Variants in IFFO2 observed in about 807,000 individuals in gnomAD.
The protein encoded by IFFO2 is intermediate filament family orphan 2.
IFFO2 carries 19 observed loss-of-function variants against 53.5 expected under a neutral mutation model. That is an observed-to-expected ratio of 0.36 (90% CI 0.25 to 0.52). The LOEUF is 0.52. Ranked by LOEUF, IFFO2 falls within the 20% of genes least tolerant of loss-of-function variation. The probability of loss-of-function intolerance (pLI) is 0.94; values close to 1 mark genes in which losing one functional copy is unlikely to be tolerated. For synonymous variants in IFFO2, 303 were observed against 313.6 expected (o/e 0.97, Z 0.36); for missense variants, 570 against 727.4 (o/e 0.78, Z 2.49).
At chr1:18,913,923 TG>T (rs1371228674) in intron 5 of IFFO2, among the ~76,000 whole-genome samples, 13 of 149,994 alleles carry the variant, frequency 8.7e-5, no homozygotes, top group African/African-American at 2.0e-4. Context: ...CTCCGCCCCC[TG>T]GGGTTCACGC....
chr1:18,950,489 G>C (rs535433512), intron 1 of IFFO2, among the ~76,000 whole-genome samples: 146 of 152,292 alleles, frequency 9.6e-4, no homozygotes, highest in African/African-American at 3.3e-3. Flanking sequence ...GGACGAAGCG[G>C]GGAGCTCCAC....
intron 1 of IFFO2, among the ~76,000 whole-genome samples, chr1:18,930,459 C>T (rs1936360638): frequency 6.6e-6 from 1 of 152,174 alleles, no homozygotes; most frequent in Non-Finnish European, 1.5e-5. Flanking sequence ...TACAAGGGGA[C>T]AGGGTGGCAG....
intron 1 of IFFO2, among the ~76,000 whole-genome samples, chr1:18,954,824 G>A (rs1936703565): frequency 6.6e-6 from 1 of 152,250 alleles, no homozygotes. Context: ...GTTCTAGCCA[G>A]AGATTGTGGT....
rs2100648182 is a variant in IFFO2, at chr1:18,916,829, C to T, written c.1103+74G>A. Reference sequence around the variant, plus strand: ...CCAGTGCTGCAGGCTACTCTCAGCCCAAGCCTCCCATTCACCGCCCCTGTG... The same window carrying T: ...CCAGTGCTGCAGGCTACTCTCAGCCTAAGCCTCCCATTCACCGCCCCTGTG... On this transcript the variant is annotated intron_variant, in intron 5 of 8. Coordinates refer to ENST00000455833, the MANE Select transcript of IFFO2 (RefSeq NM_001136265.2). This position sits in a 1 kb window ranked among gnomAD's most constrained non-coding sequence, Gnocchi z 4.3. The T allele has an allele frequency of 2.7e-6, 4 of 1,508,628 alleles. No homozygotes were observed. The highest frequency in any genetic ancestry group is 3.6e-6 in the Non-Finnish European group (4 of 1,114,324). 93.5% of individuals were successfully genotyped at this position (1,508,628 alleles called of 1,614,324 possible). A position where few individuals can be genotyped will look rare whatever the true frequency, so the allele number is the denominator to read the frequency against.
At chr1:18,927,128 A>T (rs1002275348) in intron 1 of IFFO2, among the ~76,000 whole-genome samples, 8 of 152,188 alleles carry the variant, frequency 5.3e-5, no homozygotes, top group African/African-American at 1.9e-4. Flanking sequence ...TGAGAACTAC[A>T]GGAAGGGGAT....
At chr1:18,955,203 C>T (rs1936708274) in intron 1 of IFFO2, among the ~76,000 whole-genome samples, 1 of 152,130 alleles carries the variant, frequency 6.6e-6, no homozygotes, top group Non-Finnish European at 1.5e-5. Flanking sequence ...GGTAAAAATA[C>T]TTATGCTAGG....
chr1:18,919,588 C>T lies in IFFO2; in HGVS notation c.822+90G>A, dbSNP rs1031196574. The T allele has an allele frequency of 1.2e-6, 1 of 854,900 alleles. No individual in the cohort carries two copies. The highest frequency in any genetic ancestry group is 1.9e-6 in the Non-Finnish European group (1 of 517,970). The allele number at this position is 854,900 out of a possible 1,614,324, so 53.0% of individuals were successfully genotyped here. On this transcript the variant is annotated intron_variant, in intron 3 of 8. Transcript: ENST00000455833. This position sits in a 1 kb window ranked among gnomAD's most constrained non-coding sequence, Gnocchi z 4.9. ...AGCCAGCCAGGATTCTAACTAGAAG[C>T]CGAGCCCCGGAGCCTCGGAGGGAAT...
In IFFO2 at chr1:18,947,434, T is replaced by C. The variant is rs1363313059; in HGVS notation, c.665+8234A>G. 6.6e-6 allele frequency among the ~76,000 whole-genome samples: 1 copy of C among 152,180 alleles called. No homozygotes were observed. Among genetic ancestry groups the C allele is most frequent in the Non-Finnish European group, 1.5e-5 (1 of 68,012 alleles). On this transcript the variant is annotated intron_variant, in intron 1 of 8. Coordinates refer to ENST00000455833, the MANE Select transcript of IFFO2 (RefSeq NM_001136265.2). The surrounding 1 kb of genome is among the most constrained non-coding windows in gnomAD (Gnocchi z 5.0). Reference sequence around the variant, plus strand: ...TTTGCTAGGCAACATTTCACAGAAATGAAAACTGAGGCTCACAGCAGGAAA... The same window carrying C: ...TTTGCTAGGCAACATTTCACAGAAACGAAAACTGAGGCTCACAGCAGGAAA...
In IFFO2 at chr1:18,918,280, C is replaced by A; in HGVS notation, c.963+82G>T. 1 of 1,403,972 alleles carries A rather than the reference C, an allele frequency of 7.1e-7. No homozygotes were observed. The highest frequency in any genetic ancestry group is 9.7e-7 in the Non-Finnish European group (1 of 1,025,952). The allele number at this position is 1,403,972 out of a possible 1,614,324, so 87.0% of individuals were successfully genotyped here. On this transcript the variant is annotated intron_variant, in intron 4 of 8. Transcript: ENST00000455833. This position sits in a 1 kb window ranked among gnomAD's most constrained non-coding sequence, Gnocchi z 5.2. ...GGAGTGAGTGGGATGTGGAGGCAAA[C>A]GGGTTGGCCGGGCAGGGGTGGAGGC...
In IFFO2 at chr1:18,947,303, TC is replaced by T. The variant is rs1361352498; in HGVS notation, c.665+8364del. On this transcript the variant is annotated intron_variant, in intron 1 of 8. Transcript: ENST00000455833. This position sits in a 1 kb window ranked among gnomAD's most constrained non-coding sequence, Gnocchi z 5.0. ...GCCCGAGGCCCTCTGCTGCTGGTGA[TC>T]CGTGGATGAGAACCTCGGGCTGGCT... is the stretch of plus-strand genomic sequence containing the variant. Among the ~76,000 whole-genome samples, 2 of 152,216 alleles carry T rather than the reference TC, an allele frequency of 1.3e-5. No homozygotes were observed. Among genetic ancestry groups the T allele is most frequent in the Non-Finnish European group, 2.9e-5 (2 of 68,028 alleles).
In IFFO2 at chr1:18,918,618, G is replaced by A. The variant is rs532644358; in HGVS notation, c.823-116C>T. On this transcript the variant is annotated intron_variant, in intron 3 of 8. Transcript: ENST00000455833. The surrounding 1 kb of genome is among the most constrained non-coding windows in gnomAD (Gnocchi z 5.2). ...CAGGGGTGGTGCGGGGAGGCCTCCA[G>A]AGTCCGAGGGTGCCTTGGGCTTTTC... 7.6e-4 allele frequency: 809 copies of A among 1,060,676 alleles called. 4 individuals are homozygous for A. The African/African-American group carries it at 0.011, about 15-fold the overall frequency. 65.7% of individuals were successfully genotyped at this position (1,060,676 alleles called of 1,614,324 possible). A position where few individuals can be genotyped will look rare whatever the true frequency, so the allele number is the denominator to read the frequency against.
chr1:18,926,088 GGATGGATGGATGGATTGGTTGGATGGATA>G (rs1241077888), intron 1 of IFFO2, among the ~76,000 whole-genome samples: 3 of 110,844 alleles, frequency 2.7e-5, no homozygotes, highest in Non-Finnish European at 2.0e-5. Context: ...ATGGATGGAT[GGATGGATGGATGGATTGGTTGGATGGATA>G]GATGGATGGA....
chr1:18,929,721 C>T (rs1181184495), intron 1 of IFFO2, among the ~76,000 whole-genome samples: 1 of 152,200 alleles, frequency 6.6e-6, no homozygotes, highest in Non-Finnish European at 1.5e-5. Flanking sequence ...GGCCCCCCAG[C>T]CACACACCCC....
At chr1:18,921,780 G>A (rs1038207148) in intron 1 of IFFO2, among the ~76,000 whole-genome samples, 6 of 152,102 alleles carry the variant, frequency 3.9e-5, no homozygotes, top group African/African-American at 7.2e-5. Context: ...TTTACTATGT[G>A]CCAAGCCCTG....
intron 1 of IFFO2, among the ~76,000 whole-genome samples, chr1:18,923,076 G>A (rs748879149): frequency 5.3e-5 from 8 of 152,222 alleles, no homozygotes; most frequent in Admixed American, 2.0e-4. Context: ...TTCCAAAGCC[G>A]CTGAGCAGGG....
rs904994659 is a variant in IFFO2, at chr1:18,906,685, A to G, written c.*1876T>C. ...GAACAAGGGTGAGTGAGGAGAGAGAAGGGCCGTCTCTCTTCCAAAACCATT... is the reference window on the plus strand; with the variant it reads ...GAACAAGGGTGAGTGAGGAGAGAGAGGGGCCGTCTCTCTTCCAAAACCATT... On this transcript the variant is annotated 3_prime_UTR_variant, in exon 9 of 9. Transcript: ENST00000455833. 2.0e-5 allele frequency: 3 copies of G among 152,210 alleles called. No individual in the cohort carries two copies. The highest frequency in any genetic ancestry group is 4.8e-5 in the African/African-American group (2 of 41,446). The allele number at this position is 152,210 out of a possible 1,614,324, so 9.4% of individuals were successfully genotyped here.
chr1:18,926,547 T>A (rs1936300136), intron 1 of IFFO2, among the ~76,000 whole-genome samples: 1 of 152,184 alleles, frequency 6.6e-6, no homozygotes, highest in Admixed American at 6.5e-5. Context: ...TCTCTGAGGC[T>A]GGTGGCCAGG....
chr1:18,940,436 TC>T (rs1352014422), intron 1 of IFFO2, among the ~76,000 whole-genome samples: 1 of 152,128 alleles, frequency 6.6e-6, no homozygotes, highest in Non-Finnish European at 1.5e-5. Context: ...ATTTAACAGT[TC>T]CTTGGCAAGC....
In IFFO2 at chr1:18,947,914, C is replaced by G. The variant is rs553584084; in HGVS notation, c.665+7754G>C. Among the ~76,000 whole-genome samples the G allele has an allele frequency of 6.6e-6, 1 of 152,364 alleles. No homozygotes were observed. Among genetic ancestry groups the G allele is most frequent in the Non-Finnish European group, 1.5e-5 (1 of 68,038 alleles). ...TGCCTGCCTCCTCACCCTGAGCCAGCCTTTGGCAACCTCCAGGGGCATGGG... is the reference window on the plus strand; with the variant it reads ...TGCCTGCCTCCTCACCCTGAGCCAGGCTTTGGCAACCTCCAGGGGCATGGG... On this transcript the variant is annotated intron_variant, in intron 1 of 8. Transcript: ENST00000455833. The surrounding 1 kb of genome is among the most constrained non-coding windows in gnomAD (Gnocchi z 5.0).
Sources: allele counts gnomAD v4.1 joint callset (sites outside exome capture counted in the v4.1 genomes callset), GRCh38; gene constraint gnomAD v4.1.1; non-coding constraint Gnocchi (gnomAD v3.1); transcripts MANE v1.5; gene names NCBI Gene and HGNC (gene_info 2026-07-23, HGNC 2026-07-21).